Variants in EYS observed in about 807,000 individuals in gnomAD.
The protein encoded by EYS is EGF-like photoreceptor maintenance factor.
A neutral mutation model predicts 282.1 loss-of-function variants in EYS; 250 were observed. That is an observed-to-expected ratio of 0.89 (90% CI 0.80 to 0.98). The LOEUF is 0.98. EYS is among the 50% of genes least tolerant of loss of function. EYS has a pLI of 0.00. For synonymous variants in EYS, 1,355 were observed against 1,282.9 expected, an observed-to-expected ratio of 1.06 and a Z score of -1.20; for missense variants, 4,016 against 3,709.0, an observed-to-expected ratio of 1.08 and a Z score of -2.15.
intron 19 of EYS, among the ~76,000 whole-genome samples, chr6:64,856,008 C>T (rs2150045093): frequency 6.6e-6 from 1 of 150,588 alleles, no homozygotes; most frequent in Admixed American, 6.6e-5. Flanking sequence ...TTTATCCATG[C>T]ACCTATTATA....
intron 12 of EYS, among the ~76,000 whole-genome samples, chr6:65,253,802 C>T (rs1382954973): frequency 6.6e-6 from 1 of 151,726 alleles, no homozygotes. Context: ...TAAGAGTACA[C>T]ATTGTAAATG....
chr6:65,442,428 A>G (rs2150393424), intron 5 of EYS, among the ~76,000 whole-genome samples: 1 of 152,150 alleles, frequency 6.6e-6, no homozygotes, highest in Middle Eastern at 3.4e-3. Context: ...TTATTACTTC[A>G]TACTGCTGTA....
At chr6:64,105,862 G>A (rs1772991962) in intron 31 of EYS, among the ~76,000 whole-genome samples, 1 of 152,044 alleles carries the variant, frequency 6.6e-6, no homozygotes, top group Non-Finnish European at 1.5e-5. Context: ...GCAATGAATA[G>A]AGCTACTCCA....
At chr6:63,820,200 T>C (rs999597883) in intron 36 of EYS, among the ~76,000 whole-genome samples, 1 of 152,250 alleles carries the variant, frequency 6.6e-6, no homozygotes, top group Admixed American at 6.5e-5. Flanking sequence ...TGTCCAGTTA[T>C]TACTTTAATT....
chr6:64,147,563 A>G (rs779289629), intron 31 of EYS, among the ~76,000 whole-genome samples: 10 of 152,182 alleles, frequency 6.6e-5, no homozygotes, highest in Non-Finnish European at 1.2e-4. Context: ...TCCATTGCCT[A>G]ATGACCTGCC....
intron 26 of EYS, among the ~76,000 whole-genome samples, chr6:64,537,281 G>A (rs950169991): frequency 6.7e-6 from 1 of 149,290 alleles, no homozygotes; most frequent in Admixed American, 6.7e-5. Flanking sequence ...TCTTGTGATA[G>A]TTTACTGAGA....
chr6:64,032,274 G>C (rs1769889329), intron 33 of EYS, among the ~76,000 whole-genome samples: 2 of 152,120 alleles, frequency 1.3e-5, no homozygotes, highest in East Asian at 3.9e-4. Context: ...TCACCGCGAG[G>C]GTCCACGGCT....
rs142186686 is a variant in EYS, at chr6:64,063,075, C to T, written c.6725+3263G>A. Among the ~76,000 whole-genome samples the T allele has an allele frequency of 4.0e-3, 610 of 152,234 alleles. 3 individuals are homozygous for T. Among genetic ancestry groups the T allele is most frequent in the African/African-American group, 0.014 (575 of 41,538 alleles). ...CTTCCTACTTACTCCTTGTCAGACTCTTTTATGATTTCATCTTTCAGTATA... is the reference window on the plus strand; with the variant it reads ...CTTCCTACTTACTCCTTGTCAGACTTTTTTATGATTTCATCTTTCAGTATA... On this transcript the variant is annotated intron_variant, in intron 33 of 42. Coordinates refer to ENST00000503581, the MANE Select transcript of EYS (RefSeq NM_001142800.2).
chr6:64,754,728 C>T (rs576914535), intron 22 of EYS, among the ~76,000 whole-genome samples: 5 of 152,140 alleles, frequency 3.3e-5, no homozygotes, highest in Middle Eastern at 3.4e-3. Flanking sequence ...TGATAAAAAG[C>T]ATCTGATGAA....
At chr6:64,572,241 A>G (rs1267589468) in intron 26 of EYS, among the ~76,000 whole-genome samples, 1 of 152,194 alleles carries the variant, frequency 6.6e-6, no homozygotes, top group Non-Finnish European at 1.5e-5. Context: ...CATGGTAAAA[A>G]CTCTCAATAA....
chr6:64,331,767 A>G (rs1404692839), intron 29 of EYS, among the ~76,000 whole-genome samples: 3 of 152,222 alleles, frequency 2.0e-5, no homozygotes, highest in Admixed American at 6.5e-5. Flanking sequence ...AGGGGCCAAC[A>G]TGGCCCCCAG....
At chr6:65,200,258 G>A (rs1240385865) in intron 12 of EYS, among the ~76,000 whole-genome samples, 1 of 148,534 alleles carries the variant, frequency 6.7e-6, no homozygotes. Context: ...TGATGAGGGA[G>A]TAGTGATAAG....
intron 35 of EYS, among the ~76,000 whole-genome samples, chr6:63,919,466 C>T (rs1393493078): frequency 6.6e-6 from 1 of 151,780 alleles, no homozygotes; most frequent in African/African-American, 2.4e-5. Context: ...TTTCCAGTCC[C>T]CTTTGTATCT....
At chr6:64,785,823 A>G (rs1324075656) in intron 22 of EYS, among the ~76,000 whole-genome samples, 1 of 152,204 alleles carries the variant, frequency 6.6e-6, no homozygotes, top group East Asian at 1.9e-4. Flanking sequence ...AGTCCTTGTC[A>G]TCATAGATCT....
chr6:64,153,548 G>A (rs1582350756), intron 31 of EYS, among the ~76,000 whole-genome samples: 2 of 152,110 alleles, frequency 1.3e-5, no homozygotes, highest in Admixed American at 6.6e-5. Context: ...ATTCATAAAC[G>A]AATATGTTTT....
At chr6:64,324,754 T>C (rs2090009326) in intron 29 of EYS, among the ~76,000 whole-genome samples, 1 of 152,216 alleles carries the variant, frequency 6.6e-6, no homozygotes. Context: ...ACCTGATACA[T>C]AATTTTAGCA....
At chr6:64,766,649 A>AAAAAAATATAT (rs1387919586) in intron 22 of EYS, among the ~76,000 whole-genome samples, 1 of 19,050 alleles carries the variant, frequency 5.2e-5, no homozygotes, top group Admixed American at 9.6e-4. Flanking sequence ...AAAAAAAAAA[A>AAAAAAATATAT]ATATATATAT....
intron 2 of EYS, among the ~76,000 whole-genome samples, chr6:65,559,953 T>A (rs1768974285): frequency 6.6e-6 from 1 of 151,204 alleles, no homozygotes; most frequent in Non-Finnish European, 1.5e-5. Context: ...TACTTTCTAG[T>A]TTCTTTAAAA....
intron 10 of EYS, among the ~76,000 whole-genome samples, chr6:65,338,309 G>A (rs192718463): frequency 6.7e-6 from 1 of 148,424 alleles, no homozygotes; most frequent in African/African-American, 2.6e-5. Flanking sequence ...AGAAAAATTA[G>A]CAAGAGAGTA....
Sources: allele counts gnomAD v4.1 joint callset (sites outside exome capture counted in the v4.1 genomes callset), GRCh38; gene constraint gnomAD v4.1.1; transcripts MANE v1.5; gene names NCBI Gene and HGNC (gene_info 2026-07-23, HGNC 2026-07-21).